SLC24A3: variants seen among roughly 807,000 people sequenced by gnomAD.
The protein encoded by SLC24A3 is solute carrier family 24 member 3.
SLC24A3 carries 28 observed loss-of-function variants against 75.8 expected under a neutral mutation model. That is an observed-to-expected ratio of 0.37 (90% CI 0.27 to 0.51). The LOEUF (loss-of-function observed/expected upper bound fraction) is 0.51, where lower values mean the gene tolerates loss of function less well. SLC24A3 is among the 20% of genes least tolerant of loss of function. The pLI is 0.94. For missense variants in SLC24A3, 663 were observed against 847.8 expected (o/e 0.78, Z 2.71); for synonymous variants, 372 against 334.1 (o/e 1.11, Z -1.24).
At chr20:19,468,221 C>G (rs748472751) in intron 2 of SLC24A3, among the ~76,000 whole-genome samples, 2 of 152,024 alleles carry the variant, frequency 1.3e-5, no homozygotes, top group African/African-American at 2.4e-5. Context: ...GGATACTGAA[C>G]AAGATAGGGA....
intron 13 of SLC24A3, chr20:19,693,639 C>T (rs556102623): frequency 5.4e-6 from 3 of 550,542 alleles, no homozygotes; most frequent in South Asian, 7.0e-5. Context: ...TTAATCTTAG[C>T]TGGGACCTGC....
intron 2 of SLC24A3, among the ~76,000 whole-genome samples, chr20:19,461,988 C>T (rs1267549693): frequency 1.3e-5 from 2 of 152,118 alleles, no homozygotes; most frequent in Non-Finnish European, 2.9e-5. Flanking sequence ...CGTTCTGACT[C>T]CAGGGTCTTA....
At chr20:19,606,226 C>T (rs930525356) in intron 6 of SLC24A3, among the ~76,000 whole-genome samples, 1 of 152,178 alleles carries the variant, frequency 6.6e-6, no homozygotes, top group African/African-American at 2.4e-5. Flanking sequence ...ACATACCACT[C>T]GCCAGTGTGC....
intron 6 of SLC24A3, among the ~76,000 whole-genome samples, chr20:19,627,994 GAGACCCT>G (rs1286341143): frequency 1.3e-5 from 2 of 151,842 alleles, no homozygotes; most frequent in Non-Finnish European, 2.9e-5. Context: ...ACAAGAGATT[GAGACCCT>G]CTTGGCCAAC....
chr20:19,541,450 G>T (rs1600272888), intron 3 of SLC24A3, among the ~76,000 whole-genome samples: 1 of 152,178 alleles, frequency 6.6e-6, no homozygotes, highest in Non-Finnish European at 1.5e-5. Context: ...GTATTAGCAC[G>T]TGTGTGTCTA....
At chr20:19,631,091 T>G (rs1183242153) in intron 6 of SLC24A3, among the ~76,000 whole-genome samples, 1 of 152,140 alleles carries the variant, frequency 6.6e-6, no homozygotes, top group East Asian at 1.9e-4. Flanking sequence ...TGCCTGTAAT[T>G]GTAGCACTTT....
chr20:19,540,885 T>C (rs1226621183), intron 3 of SLC24A3, among the ~76,000 whole-genome samples: 1 of 152,182 alleles, frequency 6.6e-6, no homozygotes, highest in Non-Finnish European at 1.5e-5. Flanking sequence ...GAAAAGAAAA[T>C]CTGTTTTGAT....
At chr20:19,279,863 T>C (rs1568576830) in intron 1 of SLC24A3, among the ~76,000 whole-genome samples, 1 of 152,210 alleles carries the variant, frequency 6.6e-6, no homozygotes, top group Non-Finnish European at 1.5e-5. Flanking sequence ...AGCTGCACTG[T>C]GCCAGCTGGC....
At chr20:19,290,522 T>C (rs6045958) in intron 2 of SLC24A3, among the ~76,000 whole-genome samples, 9,158 of 151,912 alleles carry the variant, frequency 0.06, 606 homozygotes, top group African/African-American at 0.17. Flanking sequence ...GAGGCTAGAG[T>C]GAGAAAATGT....
At chr20:19,549,235 G>T (rs2030652752) in intron 3 of SLC24A3, among the ~76,000 whole-genome samples, 1 of 152,196 alleles carries the variant, frequency 6.6e-6, no homozygotes, top group Non-Finnish European at 1.5e-5. Flanking sequence ...ACTTCTCTGT[G>T]AAGGCTTTAC....
intron 4 of SLC24A3, 25 bp downstream of exon 4, chr20:19,580,099 G>A: frequency 6.3e-7 from 1 of 1,599,152 alleles, no homozygotes; most frequent in Non-Finnish European, 8.6e-7. Flanking sequence ...TTCTTGGTAT[G>A]TGTGAGCCAG....
chr20:19,333,477 G>T (rs574548117), intron 2 of SLC24A3, among the ~76,000 whole-genome samples: 1 of 152,240 alleles, frequency 6.6e-6, no homozygotes, highest in East Asian at 1.9e-4. Flanking sequence ...GGAAGAGAAG[G>T]GAATTGTTTC....
At chr20:19,611,164 G>A (rs1445536534) in intron 6 of SLC24A3, among the ~76,000 whole-genome samples, 6 of 152,300 alleles carry the variant, frequency 3.9e-5, no homozygotes, top group Admixed American at 6.5e-5. Flanking sequence ...GGAACCCCAT[G>A]GGGAAGGTCT....
At chr20:19,314,767 G>T (rs1568586754) in intron 2 of SLC24A3, among the ~76,000 whole-genome samples, 1 of 152,168 alleles carries the variant, frequency 6.6e-6, no homozygotes, top group Admixed American at 6.5e-5. Flanking sequence ...ACAGTCTTCC[G>T]GAAGGAATGT....
rs1001424551 is a variant in SLC24A3 at position 19,286,712 on chromosome 20, C to T, written c.271+5625C>T. 2.6e-5 allele frequency among the ~76,000 whole-genome samples: 4 copies of T among 152,258 alleles called. 1 individual carries two copies. The East Asian group carries it at 7.7e-4, about 29-fold the overall frequency. On this transcript the variant is annotated intron_variant, in intron 2 of 16. Coordinates refer to ENST00000328041, the MANE Select transcript of SLC24A3 (RefSeq NM_020689.4). ...CTGTCCAGTAGGAACAAGATGTGAG[C>T]TACAAGCGTACTTTTAAATTTTCTA...
intron 3 of SLC24A3, among the ~76,000 whole-genome samples, chr20:19,517,961 C>G (rs925000358): frequency 2.0e-4 from 31 of 152,180 alleles, no homozygotes; most frequent in African/African-American, 7.2e-4. Flanking sequence ...GAATATAAGC[C>G]CCTACCACCA....
rs115408702 is a variant in SLC24A3 at position 19,287,576 on chromosome 20, A to G, written c.271+6489A>G. Among the ~76,000 whole-genome samples, 321 of 152,292 alleles carry G rather than the reference A, an allele frequency of 2.1e-3. 1 individual carries two copies. Among genetic ancestry groups the G allele is most frequent in the African/African-American group, 7.5e-3 (311 of 41,544 alleles). ...CCATTATAGAAAAATCATAACCCAA[A>G]TTTATGTCTGCCAAGGCTGGCTATA... On this transcript the variant is annotated intron_variant, in intron 2 of 16. Coordinates refer to ENST00000328041, the MANE Select transcript of SLC24A3 (RefSeq NM_020689.4).
intron 2 of SLC24A3, among the ~76,000 whole-genome samples, chr20:19,392,942 A>G (rs1001668648): frequency 6.6e-6 from 1 of 152,112 alleles, no homozygotes; most frequent in Non-Finnish European, 1.5e-5. Flanking sequence ...ATCCTCTCTT[A>G]TCTTGTCCAT....
rs371521570 is a variant in SLC24A3 at position 19,518,448 on chromosome 20, G to A, written c.348+2884G>A. Among the ~76,000 whole-genome samples the A allele has an allele frequency of 7.9e-4, 120 of 152,320 alleles. 4 individuals carry two copies. The South Asian group carries it at 0.023, about 30-fold the overall frequency. ...GCTGTGCTGTGGGAGCTTAGAGGAG[G>A]CAACTCAGTGTCAGGAAGGCCAGGT... On this transcript the variant is annotated intron_variant, in intron 3 of 16. Coordinates refer to ENST00000328041, the MANE Select transcript of SLC24A3 (RefSeq NM_020689.4).
Sources: gnomAD v4.1 joint callset for allele counts (sites outside exome capture counted in the v4.1 genomes callset) on GRCh38, gnomAD v4.1.1 for gene constraint, MANE v1.5 for transcripts, NCBI Gene and HGNC (gene_info 2026-07-23, HGNC 2026-07-21) for gene names.